PPM1L: variants seen among roughly 807,000 people sequenced by gnomAD.
PPM1L encodes protein phosphatase 1L.
In PPM1L, 13 loss-of-function variants were observed where a neutral mutation model predicts 31.4. The observed-to-expected ratio is 0.41, with a 90% CI of 0.27 to 0.66. The LOEUF (loss-of-function observed/expected upper bound fraction) is 0.66. Among genes scored for constraint, PPM1L ranks in the 30% least tolerant of loss-of-function variants. The pLI, the probability that PPM1L is intolerant of heterozygous loss-of-function variation, is 0.29. For synonymous variants in PPM1L, 184 were observed against 175.4 expected (o/e 1.05, Z -0.39); for missense variants, 326 against 453.7 (o/e 0.72, Z 2.56).
intron 2 of PPM1L, among the ~76,000 whole-genome samples, chr3:161,011,877 G>C (rs973898426): frequency 9.2e-5 from 14 of 152,158 alleles, no homozygotes; most frequent in African/African-American, 3.4e-4. Context: ...TGTATCCTGA[G>C]AACTTGCTGA....
rs368455543 is a variant in PPM1L at position 160,842,382 on chromosome 3, A to T, written c.399+85675A>T. The T allele has an allele frequency of 1.9e-5, 13 of 691,308 alleles. No homozygotes were observed. The East Asian group carries it at 2.4e-4, about 13-fold the overall frequency. The allele number at this position is 691,308 out of a possible 1,614,324, so 42.8% of individuals were successfully genotyped here. On this transcript the variant is annotated intron_variant, in intron 1 of 3. Transcript: ENST00000498165. ...AAACTAGAGAGGTAGGTTGAATTCA[A>T]ATTGGGAGGGGCTTTGAATGCCAGG... is the stretch of plus-strand genomic sequence containing the variant.
intron 1 of PPM1L, among the ~76,000 whole-genome samples, chr3:160,814,562 T>C (rs753487063): frequency 2.3e-4 from 23 of 100,636 alleles, no homozygotes; most frequent in Admixed American, 4.9e-4. Context: ...CACACACATA[T>C]GTATGTATGT....
At chr3:160,772,634 C>T (rs1715288643) in intron 1 of PPM1L, among the ~76,000 whole-genome samples, 2 of 152,140 alleles carry the variant, frequency 1.3e-5, no homozygotes, top group Admixed American at 1.3e-4. Context: ...CCCACGAAAC[C>T]ATTGTTACAA....
At chr3:160,761,093 C>G (rs1714957364) in intron 1 of PPM1L, among the ~76,000 whole-genome samples, 1 of 152,112 alleles carries the variant, frequency 6.6e-6, no homozygotes, top group Non-Finnish European at 1.5e-5. Context: ...AGTCATGCTG[C>G]TCTTTGAGAA....
intron 1 of PPM1L, among the ~76,000 whole-genome samples, chr3:160,909,602 C>G (rs531331621): frequency 6.6e-6 from 1 of 152,042 alleles, no homozygotes; most frequent in Non-Finnish European, 1.5e-5. Context: ...GTAAGCGAGC[C>G]CTCTCTTAAG....
intron 1 of PPM1L, among the ~76,000 whole-genome samples, chr3:160,852,792 A>G (rs984489390): frequency 6.6e-6 from 1 of 152,202 alleles, no homozygotes; most frequent in Admixed American, 6.5e-5. Flanking sequence ...TGTAGAATTT[A>G]TGTTTATAAC....
intron 2 of PPM1L, among the ~76,000 whole-genome samples, chr3:160,974,622 G>C (rs554492459): frequency 7.5e-4 from 113 of 151,440 alleles, no homozygotes; most frequent in African/African-American, 2.4e-3. Context: ...CTGATGGCCA[G>C]TGATGATGAG....
chr3:160,829,596 G>A (rs1454960136), intron 1 of PPM1L, among the ~76,000 whole-genome samples: 2 of 152,138 alleles, frequency 1.3e-5, no homozygotes, highest in African/African-American at 2.4e-5. Flanking sequence ...CCTTTGAAAC[G>A]TGGCTGATTT....
At chr3:160,854,406 C>T (rs1348586232) in intron 1 of PPM1L, among the ~76,000 whole-genome samples, 1 of 152,032 alleles carries the variant, frequency 6.6e-6, no homozygotes, top group Non-Finnish European at 1.5e-5. Flanking sequence ...ATCTGGGTGC[C>T]ACAAAGGGCA....
chr3:161,065,941 G>A (rs1719725923), intron 3 of PPM1L, among the ~76,000 whole-genome samples: 1 of 152,098 alleles, frequency 6.6e-6, no homozygotes, highest in Admixed American at 6.6e-5. Flanking sequence ...TGCTGTTCTG[G>A]GTCACAATTA....
intron 1 of PPM1L, among the ~76,000 whole-genome samples, chr3:160,773,636 T>G (rs985477276): frequency 6.6e-6 from 1 of 152,170 alleles, no homozygotes; most frequent in African/African-American, 2.4e-5. Flanking sequence ...GAATGAGACT[T>G]CTTTTAGAAA....
At chr3:160,810,726 A>G (rs549335107) in intron 1 of PPM1L, among the ~76,000 whole-genome samples, 1 of 152,194 alleles carries the variant, frequency 6.6e-6, no homozygotes, top group African/African-American at 2.4e-5. Context: ...ATCTAAAAAG[A>G]AAATTAAGGA....
chr3:160,954,956 C>CTTGCCT (rs58687052), intron 1 of PPM1L, among the ~76,000 whole-genome samples: 1 of 77,434 alleles, frequency 1.3e-5, no homozygotes, highest in African/African-American at 6.3e-5. Flanking sequence ...TCCTTCCTTC[C>CTTGCCT]TTCCTTTCCT....
At chr3:161,010,832 G>A (rs562346190) in intron 2 of PPM1L, among the ~76,000 whole-genome samples, 2 of 152,328 alleles carry the variant, frequency 1.3e-5, no homozygotes, top group East Asian at 3.9e-4. Flanking sequence ...CTTTTGAGAA[G>A]TGTCTATTCA....
chr3:161,068,506 A>G (rs115379458), intron 3 of PPM1L, among the ~76,000 whole-genome samples: 2,753 of 152,280 alleles, frequency 0.018, 59 homozygotes, highest in South Asian at 0.03. Flanking sequence ...TCTACTGTCA[A>G]TCACTGAGCC....
chr3:160,957,906 A>G (rs1715832669), intron 1 of PPM1L, among the ~76,000 whole-genome samples: 1 of 152,030 alleles, frequency 6.6e-6, no homozygotes, highest in Non-Finnish European at 1.5e-5. Flanking sequence ...CATTTCTCTA[A>G]TGATCAGTGA....
In PPM1L at chr3:161,071,953, A is replaced by G. The variant is rs890130743; in HGVS notation, c.*2796A>G. The G allele has an allele frequency of 3.3e-5, 5 of 152,200 alleles. No individual in the cohort carries two copies. Among genetic ancestry groups the G allele is most frequent in the African/African-American group, 7.2e-5 (3 of 41,450 alleles). The allele number at this position is 152,200 out of a possible 1,614,324, so 9.4% of individuals were successfully genotyped here. A position where few individuals can be genotyped will look rare whatever the true frequency, so the allele number is the denominator to read the frequency against. ...TAGCTAGCTCGAGTTCGAATTGCCA[A>G]TAGTCCCCATGGTGCCAAATTTTGG... On this transcript the variant is annotated 3_prime_UTR_variant, in exon 4 of 4. Coordinates refer to ENST00000498165, the MANE Select transcript of PPM1L (RefSeq NM_139245.4).
At chr3:160,950,441 C>T (rs1393320434) in intron 1 of PPM1L, among the ~76,000 whole-genome samples, 1 of 152,128 alleles carries the variant, frequency 6.6e-6, no homozygotes, top group African/African-American at 2.4e-5. Context: ...GACAGAAAGA[C>T]CAGGCCTTCT....
intron 1 of PPM1L, among the ~76,000 whole-genome samples, chr3:160,835,625 G>T (rs1301891748): frequency 1.3e-5 from 2 of 151,474 alleles, no homozygotes; most frequent in Non-Finnish European, 2.9e-5. Flanking sequence ...CTCTTATCTT[G>T]TCCACTCCTC....
Sources: gnomAD v4.1 joint callset for allele counts (sites outside exome capture counted in the v4.1 genomes callset) on GRCh38, gnomAD v4.1.1 for gene constraint, MANE v1.5 for transcripts, NCBI Gene and HGNC (gene_info 2026-07-23, HGNC 2026-07-21) for gene names.